MYH14: variants seen among roughly 807,000 people sequenced by gnomAD.
MYH14 encodes myosin heavy chain 14.
In MYH14, 123 loss-of-function variants were observed where a neutral mutation model predicts 255.5. That is an observed-to-expected ratio of 0.48 (90% CI 0.42 to 0.56). The LOEUF (loss-of-function observed/expected upper bound fraction) is 0.56. MYH14 is among the 20% of genes least tolerant of loss of function. MYH14 has a pLI of 0.00. For missense variants in MYH14, 2,423 were observed against 2,802.3 expected, an observed-to-expected ratio of 0.86 and a Z score of 3.06; for synonymous variants, 1,095 against 1,161.2, an observed-to-expected ratio of 0.94 and a Z score of 1.16.
intron 18 of MYH14, chr19:50,258,336 C>T (rs2034670229): frequency 1.3e-5 from 2 of 152,148 alleles, no homozygotes. Flanking sequence ...AATTACCAGT[C>T]TTTTTCCTTT....
At chr19:50,248,087 A>G (rs1217830390) in intron 12 of MYH14, among the ~76,000 whole-genome samples, 1 of 151,812 alleles carries the variant, frequency 6.6e-6, no homozygotes, top group Non-Finnish European at 1.5e-5. Flanking sequence ...GAAAAGAAAA[A>G]AAGAAAATTG....
At chr19:50,210,793 G>T in intron 2 of MYH14, 23 bp downstream of exon 2, 1 of 1,542,656 alleles carries the variant, frequency 6.5e-7, no homozygotes, top group East Asian at 2.5e-5. Context: ...CTGCTGGGGG[G>T]CGCGTGCGGC....
chr19:50,253,813 C>T (rs1318449919), intron 16 of MYH14, among the ~76,000 whole-genome samples: 2 of 152,212 alleles, frequency 1.3e-5, no homozygotes, highest in African/African-American at 2.4e-5. Flanking sequence ...GCAGAACTGG[C>T]ATCCTGTTTT....
Position 50,293,379 on chromosome 19 carries a change from G to T in MYH14, c.5345+58G>T, listed in dbSNP as rs116232410. 7,594 of 1,538,548 alleles carry T rather than the reference G, an allele frequency of 4.9e-3. 346 individuals carry two copies. In the African/African-American group the frequency reaches 0.087, roughly 18 times the overall value. On this transcript the variant is annotated intron_variant, in intron 38 of 42. Coordinates refer to ENST00000642316, the MANE Select transcript of MYH14 (RefSeq NM_001145809.2). The surrounding 1 kb of genome is among the most constrained non-coding windows in gnomAD (Gnocchi z 4.1). ...CTGCGTCTGCAGGAGGTGAAGCTGG[G>T]GTAGGCTGGAGGTGGCTGGGCTCTG...
intron 7 of MYH14, 41 bp from the exon 8 acceptor site, chr19:50,226,862 G>A (rs1457597125): frequency 1.2e-6 from 2 of 1,603,980 alleles, no homozygotes; most frequent in Non-Finnish European, 1.7e-6. Flanking sequence ...AGTGGGGAAG[G>A]GGACCCTCTG....
intron 2 of MYH14, among the ~76,000 whole-genome samples, chr19:50,211,896 G>A (rs2032215311): frequency 6.6e-6 from 1 of 152,066 alleles, no homozygotes; most frequent in Admixed American, 6.6e-5. Context: ...GCTGAGGTGG[G>A]AGAATCACCT....
intron 12 of MYH14, 80 bp from the exon 13 acceptor site, chr19:50,248,907 G>T (rs1227854448): frequency 2.0e-6 from 3 of 1,502,028 alleles, no homozygotes; most frequent in African/African-American, 2.7e-5. Context: ...CGAGCTGGGG[G>T]CCCTTCCCCG....
intron 20 of MYH14, among the ~76,000 whole-genome samples, chr19:50,260,940 G>A (rs2034826071): frequency 6.6e-6 from 1 of 150,848 alleles, no homozygotes; most frequent in Non-Finnish European, 1.5e-5. Flanking sequence ...CGGGGAGTGG[G>A]GCTGGGATCT....
chr19:50,292,573 C>T (rs10411436), intron 37 of MYH14, among the ~76,000 whole-genome samples, 184 bp downstream of exon 37: 2 of 62,696 alleles, frequency 3.2e-5, no homozygotes, highest in East Asian at 8.5e-4. Flanking sequence ...GGGAGGTGGG[C>T]GGGGCTAACC....
intron 3 of MYH14, among the ~76,000 whole-genome samples, chr19:50,218,647 C>A (rs1310301772): frequency 6.6e-6 from 1 of 151,798 alleles, no homozygotes; most frequent in Admixed American, 6.6e-5. Flanking sequence ...GGGAAACAGG[C>A]GGGGTTTGGT....
In MYH14 at chr19:50,259,194, G is replaced by C; in HGVS notation, c.2283G>C (p.Gly761=). 1 of 1,577,964 alleles carries C rather than the reference G, an allele frequency of 6.3e-7. No homozygotes were observed. Among genetic ancestry groups the C allele is most frequent in the Admixed American group, 1.8e-5 (1 of 54,430 alleles). Residue 761 remains glycine, a synonymous_variant, in exon 19 of 43, where the codon GGG becomes GGC. Coordinates refer to ENST00000642316, the MANE Select transcript of MYH14 (RefSeq NM_001145809.2). The part of the protein sequence containing the change: ...RLVLDQLRCN[G]VLEGIRICRQ... ...TGCTGGACCAGCTTCGCTGCAACGG[G>C]GTCCTGGAGGGCATCCGCATCTGTC...
chr19:50,227,024 C>G (rs2033142420), intron 8 of MYH14, 58 bp downstream of exon 8: 1 of 1,526,320 alleles, frequency 6.6e-7, no homozygotes, highest in African/African-American at 1.4e-5. Context: ...TCAGACAGCA[C>G]TGAGTATGGA....
Position 50,232,313 on chromosome 19 carries a change from T to C in MYH14, c.1114+243T>C, listed in dbSNP as rs532608210. Among the ~76,000 whole-genome samples, 4 of 152,280 alleles carry C rather than the reference T, an allele frequency of 2.6e-5. No homozygotes were observed. The South Asian group carries it at 8.3e-4, about 32-fold the overall frequency. On this transcript the variant is annotated intron_variant, in intron 10 of 42. Coordinates refer to ENST00000642316, the MANE Select transcript of MYH14 (RefSeq NM_001145809.2). Reference sequence around the variant, plus strand: ...CCTGTTAGTAGACTATGAGTGCAGCTGGGCGCAGTGGCTCATGCCTGTAAT... The same window carrying C: ...CCTGTTAGTAGACTATGAGTGCAGCCGGGCGCAGTGGCTCATGCCTGTAAT...
chr19:50,214,241 A>G (rs2032353012), intron 2 of MYH14, among the ~76,000 whole-genome samples: 1 of 152,162 alleles, frequency 6.6e-6, no homozygotes, highest in South Asian at 2.1e-4. Context: ...AGACCCTGAA[A>G]GGTTGCTTGC....
Position 50,289,577 on chromosome 19 carries a change from ACT to A in MYH14, c.4896_4897del (p.Gln1633AlafsTer2). On this transcript the variant is annotated frameshift_variant, in exon 35 of 43. Transcript: ENST00000642316. LOFTEE classifies it high-confidence loss of function. ...GGAGGTGACTGTGCAGGCTCTCAAG[ACT>A]CAGCATGAGCGTGACCTGCAGGGCC... ...RLEVTVQALKTQHERDLQGRD... is the reference protein window; with the variant it reads ...RLEVTVQALKXQHERDLQGRD... 6.2e-7 allele frequency: 1 copy of A among 1,612,970 alleles called. No individual in the cohort carries two copies. The highest frequency in any genetic ancestry group is 8.5e-7 in the Non-Finnish European group (1 of 1,179,602).
At chr19:50,261,818 C>G (rs1428352918) in intron 21 of MYH14, among the ~76,000 whole-genome samples, 183 bp downstream of exon 21, 1 of 152,018 alleles carries the variant, frequency 6.6e-6, no homozygotes, top group African/African-American at 2.4e-5. Flanking sequence ...GTGGGCAGGG[C>G]AGGCCCTGTT....
rs902778417 is a variant in MYH14, at chr19:50,274,390, G to T, written c.3468-1601G>T. 9.5e-4 allele frequency among the ~76,000 whole-genome samples: 144 copies of T among 152,208 alleles called. 1 individual carries two copies. The highest frequency in any genetic ancestry group is 3.3e-3 in the African/African-American group (139 of 41,554). ...CCTCACTACATCCTCCGCCTCTTGG[G>T]TTCAAGCAATTCTCCTGCCTCAGCC... is the stretch of plus-strand genomic sequence containing the variant. On this transcript the variant is annotated intron_variant, in intron 27 of 42. Transcript: ENST00000642316.
chr19:50,224,036 CA>C, intron 5 of MYH14, 117 bp from the exon 6 acceptor site: 1 of 667,688 alleles, frequency 1.5e-6, no homozygotes, highest in Non-Finnish European at 2.7e-6. Flanking sequence ...CCGGTTTCCC[CA>C]GTCCCCCTTC....
chr19:50,272,795 G>T, intron 27 of MYH14, 64 bp downstream of exon 27: 3 of 1,499,774 alleles, frequency 2.0e-6, no homozygotes, highest in South Asian at 1.2e-5. Context: ...AGCGTGGGGT[G>T]CCCAAGTCAG....
Sources: allele counts gnomAD v4.1 joint callset (sites outside exome capture counted in the v4.1 genomes callset), GRCh38; gene constraint gnomAD v4.1.1; non-coding constraint Gnocchi (gnomAD v3.1); transcripts MANE v1.5; gene names NCBI Gene and HGNC (gene_info 2026-07-23, HGNC 2026-07-21).